Variants in ESCO2 observed in about 807,000 individuals in gnomAD.
ESCO2 encodes the protein establishment of sister chromatid cohesion N-acetyltransferase 2.
A neutral mutation model predicts 61.7 loss-of-function variants in ESCO2; 51 were observed. The observed-to-expected ratio is 0.83, with a 90% CI of 0.66 to 1.04. The LOEUF is 1.04. ESCO2 is among the 50% of genes least tolerant of loss of function. The pLI is 0.00. For synonymous variants in ESCO2, 230 were observed against 238.2 expected, an observed-to-expected ratio of 0.97 and a Z score of 0.32; for missense variants, 692 against 686.2, an observed-to-expected ratio of 1.01 and a Z score of -0.09.
downstream of ESCO2, chr8:27,811,382 A>G (rs1805679365): frequency 8.7e-6 from 5 of 577,636 alleles, no homozygotes; most frequent in Admixed American, 1.5e-4. Flanking sequence ...TAGTAGGAAT[A>G]TAGAATGTGG....
intron 10 of ESCO2, among the ~76,000 whole-genome samples, chr8:27,800,668 A>T (rs1380505573): frequency 6.6e-6 from 1 of 152,222 alleles, no homozygotes; most frequent in Non-Finnish European, 1.5e-5. Context: ...TAGCAGGATT[A>T]TTTATAAAAG....
rs1805083737 is a variant in ESCO2, at chr8:27,787,945, C to T, written c.1074C>T (p.Ile358=). The T allele has an allele frequency of 6.2e-7, 1 of 1,613,598 alleles. No individual in the cohort carries two copies. The highest frequency in any genetic ancestry group is 1.3e-5 in the African/African-American group (1 of 74,906). The part of the protein sequence containing the change: ...GSVNFMKQTN[I]QKNTNTRDTS... ...TCAACTTCATGAAACAGACCAATAT[C>T]CAGAAAAATACTAATACCAGAGATA... is the stretch of plus-strand genomic sequence containing the variant. Residue 358 remains isoleucine, a synonymous_variant, in exon 6 of 11, where the codon ATC becomes ATT. Transcript: ENST00000305188.
downstream of ESCO2, chr8:27,810,095 C>A (rs6986820): frequency 3.4e-3 from 1,760 of 518,004 alleles, 30 homozygotes; most frequent in African/African-American, 0.032. Context: ...TAGCTAGTTT[C>A]TAAAACTTTA....
chr8:27,795,820 T>A (rs1805283516), intron 9 of ESCO2, among the ~76,000 whole-genome samples: 1 of 152,230 alleles, frequency 6.6e-6, no homozygotes, highest in South Asian at 2.1e-4. Context: ...TGAGCCATCC[T>A]TGCATCCAGG....
rs776869970 is a variant in ESCO2, at chr8:27,799,618, A to G, written c.1575A>G (p.Ser525=). Residue 525 remains serine (S), a synonymous_variant, in exon 10 of 11, where the codon TCA becomes TCG. Transcript: ENST00000305188. ...STECPRAWQC[S]DVPEPAVCGI... ...AATGTCCTAGGGCTTGGCAATGTTCAGATGTACCAGAACCTGCAGTCTGTG... is the reference window on the plus strand; with the variant it reads ...AATGTCCTAGGGCTTGGCAATGTTCGGATGTACCAGAACCTGCAGTCTGTG... 7 of 1,613,994 alleles carry G rather than the reference A, an allele frequency of 4.3e-6. No individual in the cohort carries two copies. The highest frequency in any genetic ancestry group is 5.9e-6 in the Non-Finnish European group (7 of 1,180,008).
rs1805530418 is a variant in ESCO2, at chr8:27,805,000, C to CTTAATCCTGCTTTGA, written c.*1562_*1563insTTAATCCTGCTTTGA. The CTTAATCCTGCTTTGA allele has an allele frequency of 5.9e-4, 134 of 227,136 alleles. No homozygotes were observed. The highest frequency in any genetic ancestry group is 1.0e-3 in the South Asian group (6 of 5,874). The allele number at this position is 227,136 out of a possible 1,614,324, so 14.1% of individuals were successfully genotyped here. A position where few individuals can be genotyped will look rare whatever the true frequency, so the allele number is the denominator to read the frequency against. ...GAGATTGCCAAAAGAAGAGGCTTCC[C>CTTAATCCTGCTTTGA]GGCCGGGCGCGGTGGCTCACGCCTG... is the stretch of plus-strand genomic sequence containing the variant. On this transcript the variant is annotated 3_prime_UTR_variant, in exon 11 of 11. Coordinates refer to ENST00000305188, the MANE Select transcript of ESCO2 (RefSeq NM_001017420.3).
chr8:27,772,512 C>T (rs1371439532), upstream of ESCO2: 1 of 1,550,076 alleles, frequency 6.5e-7, no homozygotes, highest in South Asian at 1.2e-5. Context: ...CGCCCACTCA[C>T]CGCTGCTGCT....
downstream of ESCO2, chr8:27,810,069 T>A (rs1805640004): frequency 6.2e-6 from 3 of 486,326 alleles, no homozygotes; most frequent in Admixed American, 7.9e-5. Flanking sequence ...GCATGAGCAG[T>A]ATCAAAGTAC....
chr8:27,802,620 AAAAAAAAAAAATATATAT>A (rs1563482230), intron 10 of ESCO2, among the ~76,000 whole-genome samples: 2 of 75,906 alleles, frequency 2.6e-5, no homozygotes. Flanking sequence ...AAAAAAAAAA[AAAAAAAAAAAATATATAT>A]ATATATATAT....
At position 27,776,551 on chromosome 8, in the gene ESCO2, C is replaced by T; in HGVS notation, c.243C>T (p.Leu81=). The T allele has an allele frequency of 6.2e-7, 1 of 1,614,138 alleles. No homozygotes were observed. The highest frequency in any genetic ancestry group is 8.5e-7 in the Non-Finnish European group (1 of 1,180,022). ...ANQGSPFKSA[L]STVSFYNQNK... Reference sequence around the variant, plus strand: ...AAGGCTCACCATTTAAATCTGCGCTCTCCACTGTATCTTTTTACAACCAAA... The same window carrying T: ...AAGGCTCACCATTTAAATCTGCGCTTTCCACTGTATCTTTTTACAACCAAA... Residue 81 remains leucine (L), a synonymous_variant, in exon 3 of 11, where the codon CTC becomes CTT. Coordinates refer to ENST00000305188, the MANE Select transcript of ESCO2 (RefSeq NM_001017420.3).
chr8:27,806,943 AGT>A (rs1805575523), downstream of ESCO2, among the ~76,000 whole-genome samples: 1 of 152,112 alleles, frequency 6.6e-6, no homozygotes, highest in Non-Finnish European at 1.5e-5. Flanking sequence ...CATTGGGAAA[AGT>A]GTTTTAAGTT....
Position 27,796,014 on chromosome 8 carries a change from G to A in ESCO2, c.1497+3203G>A, listed in dbSNP as rs140413946. ...GTTTTTTGGAAGAGTTTGAGGATTA[G>A]TATTAGTTCTTTAAATATCTGGTAG... is the stretch of plus-strand genomic sequence containing the variant. On this transcript the variant is annotated intron_variant, in intron 9 of 10. Transcript: ENST00000305188. Among the ~76,000 whole-genome samples the A allele has an allele frequency of 8.0e-3, 1,208 of 151,610 alleles. 14 individuals carry two copies. The highest frequency in any genetic ancestry group is 0.027 in the African/African-American group (1,132 of 41,384).
chr8:27,808,683 T>G (rs1380361993), downstream of ESCO2, among the ~76,000 whole-genome samples: 11 of 28,858 alleles, frequency 3.8e-4, no homozygotes, highest in Admixed American at 4.4e-3. Flanking sequence ...AGACCCTGTC[T>G]CAAAAAAAAA....
downstream of ESCO2, among the ~76,000 whole-genome samples, chr8:27,807,844 TG>T (rs1805593130): frequency 6.6e-6 from 1 of 152,304 alleles, no homozygotes; most frequent in Admixed American, 6.5e-5. Context: ...GAATGGGTCA[TG>T]ATGGTGGAAG....
intron 4 of ESCO2, 148 bp downstream of exon 4, chr8:27,780,415 T>C: frequency 1.6e-6 from 1 of 633,904 alleles, no homozygotes; most frequent in Non-Finnish European, 2.8e-6. Flanking sequence ...TGACACTGTT[T>C]TCTGTAGTAA....
intron 2 of ESCO2, among the ~76,000 whole-genome samples, chr8:27,775,977 C>T (rs1215007258): frequency 6.6e-6 from 1 of 152,150 alleles, no homozygotes; most frequent in Non-Finnish European, 1.5e-5. Flanking sequence ...ATTAATTACT[C>T]TACCCAGGAA....
chr8:27,772,541 G>C, upstream of ESCO2: 1 of 1,549,550 alleles, frequency 6.5e-7, no homozygotes, highest in Non-Finnish European at 8.7e-7. Flanking sequence ...AGAACACCAT[G>C]ATCCCGGGAG....
rs371574054 is a variant in ESCO2 at position 27,792,044 on chromosome 8, A to G, written c.1345A>G (p.Ile449Val). The G allele has an allele frequency of 9.3e-6, 15 of 1,614,146 alleles. No individual in the cohort carries two copies. In the African/African-American group the frequency reaches 1.6e-4, roughly 17 times the overall value. Residue 449 changes from isoleucine to valine, a missense_variant, in exon 8 of 11, where the codon ATC (isoleucine) becomes GTC (valine). By Grantham distance (29) the Ile-to-Val change is conservative. Transcript: ENST00000305188. ...LVLPHDPSFA[I>V]KKVEDVQELV... is the part of the protein sequence containing the mutation. Reference sequence around the variant, plus strand: ...TCTGCCACATGATCCAAGCTTTGCTATCAAAAAGGTATGGAACATTATCTT... The same window carrying G: ...TCTGCCACATGATCCAAGCTTTGCTGTCAAAAAGGTATGGAACATTATCTT...
At chr8:27,783,509 C>T (rs11775733) in intron 4 of ESCO2, among the ~76,000 whole-genome samples, 1,958 of 152,044 alleles carry the variant, frequency 0.013, 20 homozygotes, top group Non-Finnish European at 0.022. Flanking sequence ...ATTATGCTTT[C>T]GCTGTTGTAT....
Sources: gnomAD v4.1 joint callset for allele counts (sites outside exome capture counted in the v4.1 genomes callset) on GRCh38, gnomAD v4.1.1 for gene constraint, MANE v1.5 for transcripts, NCBI Gene and HGNC (gene_info 2026-07-23, HGNC 2026-07-21) for gene names.